The following TACC1 variants were observed in gnomAD, a reference collection of about 807,000 sequenced individuals.
TACC1 encodes transforming acidic coiled-coil containing protein 1.
A neutral mutation model predicts 84.4 loss-of-function variants in TACC1; 48 were observed. That is an observed-to-expected ratio of 0.57 (90% confidence interval 0.45 to 0.72). The LOEUF (loss-of-function observed/expected upper bound fraction) is 0.72. TACC1 is among the 30% of genes least tolerant of loss of function. The pLI, the probability that TACC1 is intolerant of heterozygous loss-of-function variation, is 0.00. For missense variants in TACC1, 920 were observed against 973.0 expected, an observed-to-expected ratio of 0.95 and a Z score of 0.72; for synonymous variants, 372 against 376.3, an observed-to-expected ratio of 0.99 and a Z score of 0.13.
intron 3 of TACC1, among the ~76,000 whole-genome samples, chr8:38,769,656 TGA>T (rs1244623634): frequency 3.6e-5 from 5 of 138,414 alleles, no homozygotes; most frequent in South Asian, 2.4e-4. Context: ...TGTGTGTGTG[TGA>T]GAGAGAGACT....
rs769218210 is a variant in TACC1, at chr8:38,792,031, G to A, written c.277+3212G>A. On this transcript the variant is annotated intron_variant, in intron 2 of 12. Coordinates refer to ENST00000317827, the MANE Select transcript of TACC1 (RefSeq NM_006283.3). ...TGCCAGGAGTTAAGTGGCGGATAAG[G>A]TTGTAGATTTTTTTTGAAGCCACAT... is the stretch of plus-strand genomic sequence containing the variant. 2.0e-5 allele frequency among the ~76,000 whole-genome samples: 3 copies of A among 152,218 alleles called. No individual in the cohort carries two copies. In the East Asian group the frequency reaches 5.8e-4, roughly 29 times the overall value.
intron 6 of TACC1, among the ~76,000 whole-genome samples, chr8:38,834,379 G>T (rs184796693): frequency 6.6e-6 from 1 of 152,278 alleles, no homozygotes; most frequent in East Asian, 1.9e-4. Flanking sequence ...CATCCATGAC[G>T]TTTGCCATAT....
intron 3 of TACC1, among the ~76,000 whole-genome samples, chr8:38,753,936 C>CTTTCTTTCTTTCTTTCTT (rs1563270935): frequency 2.4e-4 from 14 of 59,298 alleles, no homozygotes; most frequent in African/African-American, 3.4e-4. Flanking sequence ...TTTCTTCTTT[C>CTTTCTTTCTTTCTTTCTT]TCTCTCTCTC....
chr8:38,772,234 G>C (rs978213137), intron 3 of TACC1, among the ~76,000 whole-genome samples: 18 of 152,198 alleles, frequency 1.2e-4, no homozygotes, highest in African/African-American at 2.4e-5. Flanking sequence ...TAGGGGAAAG[G>C]CTGTCTCATA....
intron 2 of TACC1, among the ~76,000 whole-genome samples, chr8:38,794,959 C>G (rs1044655774): frequency 6.6e-6 from 1 of 152,132 alleles, no homozygotes; most frequent in African/African-American, 2.4e-5. Flanking sequence ...TTTTTTTGTA[C>G]TGTATAATTC....
chr8:38,835,931 C>T (rs1229567049), intron 6 of TACC1, among the ~76,000 whole-genome samples: 1 of 152,218 alleles, frequency 6.6e-6, no homozygotes, highest in Non-Finnish European at 1.5e-5. Flanking sequence ...ATAAAATTCT[C>T]TAGGTTATCT....
rs1433434882 is a variant in TACC1 at position 38,773,613 on chromosome 8, TCTAG to T, written c.27-15087_27-15084del. On this transcript the variant is annotated intron_variant, in intron 3 of 14. Transcript: ENST00000518415. ...AGCTATCTATCTATCTAGCTATCTA[TCTAG>T]CTATCTATCTGTTGTTCCATTTGTC... 3.3e-5 allele frequency among the ~76,000 whole-genome samples: 5 copies of T among 151,222 alleles called. 1 individual carries two copies. In the South Asian group the frequency reaches 6.2e-4, roughly 19 times the overall value.
At chr8:38,769,525 A>G (rs1241587477) in intron 3 of TACC1, among the ~76,000 whole-genome samples, 76 of 64,312 alleles carry the variant, frequency 1.2e-3, no homozygotes, top group Middle Eastern at 0.014. Flanking sequence ...GTGTGTATGT[A>G]TATGTGAGAC....
chr8:38,786,641 C>CT (rs1817199446), upstream of TACC1, among the ~76,000 whole-genome samples: 1 of 152,106 alleles, frequency 6.6e-6, no homozygotes, highest in Non-Finnish European at 1.5e-5. Flanking sequence ...CTTGGGAAGC[C>CT]TCCCCGAGTG....
chr8:38,778,490 C>G (rs955332563), intron 3 of TACC1, among the ~76,000 whole-genome samples: 1 of 152,160 alleles, frequency 6.6e-6, no homozygotes, highest in Non-Finnish European at 1.5e-5. Flanking sequence ...TTGAGGCCAG[C>G]TGAACCACTC....
chr8:38,787,213 G>C, upstream of TACC1: 1 of 993,160 alleles, frequency 1.0e-6, no homozygotes, highest in Non-Finnish European at 1.2e-6. Flanking sequence ...CAGCTGATGC[G>C]CGCCCCGCCG....
chr8:38,823,883 T>C (rs1827436594), intron 3 of TACC1: 2 of 753,802 alleles, frequency 2.7e-6, no homozygotes, highest in Non-Finnish European at 4.1e-6. Context: ...GAAAGAATTG[T>C]GCAGCTTTTA....
intron 6 of TACC1, among the ~76,000 whole-genome samples, chr8:38,833,036 A>T (rs1361129645): frequency 6.6e-6 from 1 of 152,218 alleles, no homozygotes; most frequent in African/African-American, 2.4e-5. Flanking sequence ...TTTTGGAAGG[A>T]TATGATTGAT....
chr8:38,794,160 A>T (rs775468205), intron 2 of TACC1, among the ~76,000 whole-genome samples: 1 of 152,210 alleles, frequency 6.6e-6, no homozygotes, highest in Non-Finnish European at 1.5e-5. Flanking sequence ...CAATTGACTC[A>T]AAGATCTAAG....
At chr8:38,799,027 A>G (rs933822057) in intron 2 of TACC1, among the ~76,000 whole-genome samples, 1 of 152,236 alleles carries the variant, frequency 6.6e-6, no homozygotes, top group African/African-American at 2.4e-5. Flanking sequence ...GACTTTTAGC[A>G]TTAATGCTAA....
chr8:38,739,312 T>C (rs1806617110), intron 1 of TACC1, among the ~76,000 whole-genome samples: 1 of 152,260 alleles, frequency 6.6e-6, no homozygotes, highest in Non-Finnish European at 1.5e-5. Flanking sequence ...AACTTTCCAC[T>C]ACAACCTGAA....
At chr8:38,802,168 C>T (rs1310184220) in intron 2 of TACC1, 1 of 152,286 alleles carries the variant, frequency 6.6e-6, no homozygotes, top group African/African-American at 2.4e-5. Context: ...TCTGCTGCTC[C>T]CAAAGTGCTA....
At chr8:38,776,248 T>C (rs1814768074) in intron 3 of TACC1, among the ~76,000 whole-genome samples, 1 of 152,228 alleles carries the variant, frequency 6.6e-6, no homozygotes, top group African/African-American at 2.4e-5. Flanking sequence ...TCTTTAAAAA[T>C]GCAACTGCCT....
chr8:38,795,206 A>C (rs1819682481), intron 2 of TACC1, among the ~76,000 whole-genome samples: 1 of 152,230 alleles, frequency 6.6e-6, no homozygotes, highest in Admixed American at 6.5e-5. Flanking sequence ...TAGTTTTTCC[A>C]GCAGAAACTT....
Sources: allele counts gnomAD v4.1 joint callset (sites outside exome capture counted in the v4.1 genomes callset), GRCh38; gene constraint gnomAD v4.1.1; transcripts MANE v1.5; gene names NCBI Gene and HGNC (gene_info 2026-07-23, HGNC 2026-07-21).